FAM169A: variants seen among roughly 807,000 people sequenced by gnomAD.
FAM169A encodes family with sequence similarity 169 member A, also known as soluble lamin-associated protein of 75 kDa.
A neutral mutation model predicts 75.7 loss-of-function variants in FAM169A; 24 were observed. The observed-to-expected ratio is 0.32, with a 90% confidence interval of 0.23 to 0.45. FAM169A has a LOEUF of 0.45. FAM169A is among the 20% of genes least tolerant of loss of function. FAM169A has a pLI of 1.00. For missense variants in FAM169A, 673 were observed against 784.0 expected (o/e 0.86, Z 1.69); for synonymous variants, 271 against 271.0 (o/e 1.00, Z 0.00).
intron 11 of FAM169A, among the ~76,000 whole-genome samples, chr5:74,788,794 C>T (rs552237670): frequency 1.1e-4 from 17 of 152,238 alleles, no homozygotes; most frequent in Admixed American, 3.3e-4. Context: ...CCATCAAGGA[C>T]GGTGCAGGGG....
chr5:74,783,667 A>T (rs1037550081), intron 11 of FAM169A, among the ~76,000 whole-genome samples: 2 of 152,346 alleles, frequency 1.3e-5, no homozygotes, highest in African/African-American at 4.8e-5. Flanking sequence ...CCCTAGTCTC[A>T]GTCAACACCA....
chr5:74,866,861 A>C (rs1750375432), upstream of FAM169A: 2 of 985,436 alleles, frequency 2.0e-6, no homozygotes, highest in Non-Finnish European at 2.4e-6. Flanking sequence ...ACAGGGGTGC[A>C]GAGGGCACGG....
intron 1 of FAM169A, among the ~76,000 whole-genome samples, chr5:74,860,639 T>G (rs1356804681): frequency 6.6e-6 from 1 of 152,016 alleles, no homozygotes; most frequent in Non-Finnish European, 1.5e-5. Flanking sequence ...GCTACCAGTG[T>G]ATATATTTGG....
Position 74,779,428 on chromosome 5 carries a change from G to C in FAM169A, c.*2032C>G, listed in dbSNP as rs996035646. 6.6e-6 allele frequency: 1 copy of C among 152,016 alleles called. No homozygotes were observed. Among genetic ancestry groups the C allele is most frequent in the Non-Finnish European group, 1.5e-5 (1 of 67,958 alleles). The allele number at this position is 152,016 out of a possible 1,614,324, so 9.4% of individuals were successfully genotyped here. On this transcript the variant is annotated 3_prime_UTR_variant, in exon 13 of 13. Transcript: ENST00000687041. ...TTCCATGTTTAAAATAATTTGAAAA[G>C]AAAGTATTTTAAACAAATCCAAGTA...
At chr5:74,821,078 A>T (rs896315906) in intron 5 of FAM169A, among the ~76,000 whole-genome samples, 1 of 152,124 alleles carries the variant, frequency 6.6e-6, no homozygotes, top group Admixed American at 6.6e-5. Flanking sequence ...CACACGTTCT[A>T]TTCTTTTAAT....
intron 10 of FAM169A, among the ~76,000 whole-genome samples, chr5:74,798,504 T>G (rs930604481): frequency 1.3e-5 from 2 of 152,162 alleles, no homozygotes; most frequent in African/African-American, 4.8e-5. Flanking sequence ...ACATTACAAA[T>G]TTTCACCAAA....
upstream of FAM169A, chr5:74,866,444 C>A (rs1270658376): frequency 3.3e-6 from 3 of 899,578 alleles, no homozygotes; most frequent in African/African-American, 3.6e-5. Flanking sequence ...CACCGCGAAT[C>A]CCCCCGCCCG....
intron 10 of FAM169A, among the ~76,000 whole-genome samples, chr5:74,796,737 C>T (rs913743176): frequency 6.6e-6 from 1 of 151,286 alleles, no homozygotes; most frequent in African/African-American, 2.4e-5. Context: ...CTCATTTATA[C>T]TGAAGGACCA....
chr5:74,782,936 C>G lies in FAM169A; in HGVS notation c.1459G>C (p.Asp487His), dbSNP rs778463540. The G allele has an allele frequency of 1.9e-5, 30 of 1,609,772 alleles. No individual in the cohort carries two copies. Among genetic ancestry groups the G allele is most frequent in the Non-Finnish European group, 2.1e-5 (25 of 1,176,760 alleles). ...ATAGCTCATTGCCCCCTTACCTTAT[C>G]TGGTGCATCTACCTCAGGGGGTTTT... is the stretch of plus-strand genomic sequence containing the variant. ...SSKPPEVDAP[D>H]KTPRIPDSEM... The change falls in exon 12 of 13, where the codon GAT becomes CAT. Residue 487 changes from aspartate to histidine, a missense_variant. Asp to His is a moderately conservative substitution (Grantham distance 81). Around this residue, in one of 3 missense-constraint regions of FAM169A, gnomAD observed 510 missense variants for 550.9 expected, o/e 0.93. Coordinates refer to ENST00000687041, the MANE Select transcript of FAM169A (RefSeq NM_001376049.1).
intron 5 of FAM169A, among the ~76,000 whole-genome samples, chr5:74,818,768 C>CAGCT (rs1462627870): frequency 7.2e-6 from 1 of 138,116 alleles, no homozygotes; most frequent in Admixed American, 7.4e-5. Context: ...GACGGTTTCA[C>CAGCT]AGCTCTCTCT....
At chr5:74,783,920 A>G (rs1166768523) in intron 11 of FAM169A, among the ~76,000 whole-genome samples, 3 of 152,184 alleles carry the variant, frequency 2.0e-5, no homozygotes, top group African/African-American at 7.2e-5. Flanking sequence ...GACCCCTAAA[A>G]GCATATCAAG....
intron 11 of FAM169A, among the ~76,000 whole-genome samples, chr5:74,790,927 C>T (rs1374254833): frequency 6.6e-6 from 1 of 152,198 alleles, no homozygotes; most frequent in East Asian, 1.9e-4. Flanking sequence ...GGAATAGACA[C>T]CTACTCTGGA....
At chr5:74,856,845 C>G (rs1749732309) in intron 1 of FAM169A, among the ~76,000 whole-genome samples, 1 of 151,162 alleles carries the variant, frequency 6.6e-6, no homozygotes, top group Admixed American at 6.6e-5. Flanking sequence ...TGCAGTGGCT[C>G]ACGCCTGTAA....
At chr5:74,813,572 TGC>T (rs1186702803) in intron 6 of FAM169A, among the ~76,000 whole-genome samples, 1 of 152,148 alleles carries the variant, frequency 6.6e-6, no homozygotes. Flanking sequence ...GTGATCCGCC[TGC>T]CTCAGCCTCC....
At chr5:74,820,184 T>A (rs1747703736) in intron 5 of FAM169A, among the ~76,000 whole-genome samples, 1 of 151,766 alleles carries the variant, frequency 6.6e-6, no homozygotes, top group South Asian at 2.1e-4. Context: ...TTAGTAGAGA[T>A]GGGGTTTCAC....
At chr5:74,858,768 T>A (rs1320638313) in intron 1 of FAM169A, among the ~76,000 whole-genome samples, 1 of 151,940 alleles carries the variant, frequency 6.6e-6, no homozygotes, top group Admixed American at 6.6e-5. Flanking sequence ...AAAAAAAAAT[T>A]TGGGTACTTT....
At chr5:74,790,511 C>T (rs1358813753) in intron 11 of FAM169A, among the ~76,000 whole-genome samples, 1 of 151,906 alleles carries the variant, frequency 6.6e-6, no homozygotes, top group African/African-American at 2.4e-5. Flanking sequence ...ATGGACCTCT[C>T]TGAGTGGTGA....
intron 10 of FAM169A, chr5:74,799,080 T>A: frequency 1.0e-6 from 1 of 994,578 alleles, no homozygotes; most frequent in Non-Finnish European, 1.6e-6. Context: ...GTGTCAATAA[T>A]CACGAAGTGC....
In FAM169A at chr5:74,840,554, C is replaced by T. The variant is rs1432661780; in HGVS notation, c.133-381G>A. 2.0e-5 allele frequency among the ~76,000 whole-genome samples: 3 copies of T among 148,596 alleles called. No individual in the cohort carries two copies. The East Asian group carries it at 5.9e-4, about 29-fold the overall frequency. On this transcript the variant is annotated intron_variant, in intron 2 of 12. Coordinates refer to ENST00000687041, the MANE Select transcript of FAM169A (RefSeq NM_001376049.1). ...AAAAAAAAAAAAAAAGCAGGCCGGG[C>T]ACAGTGGCTCACACCTGTAATCCCA... is the stretch of plus-strand genomic sequence containing the variant.
Sources: gnomAD v4.1 joint callset for allele counts (sites outside exome capture counted in the v4.1 genomes callset) on GRCh38, gnomAD v4.1.1 for gene constraint, gnomAD v4.1.1 regional missense constraint, MANE v1.5 for transcripts, NCBI Gene and HGNC (gene_info 2026-07-23, HGNC 2026-07-21) for gene names.